The following SUSD4 variants were observed in gnomAD, a reference collection of about 807,000 sequenced individuals.
The protein encoded by SUSD4 is sushi domain-containing protein 4.
SUSD4 carries 41 observed loss-of-function variants against 50.5 expected under a neutral mutation model. The observed-to-expected ratio is 0.81, with a 90% CI of 0.63 to 1.05. The LOEUF (loss-of-function observed/expected upper bound fraction) is 1.05, where lower values mean the gene tolerates loss of function less well. Among genes scored for constraint, SUSD4 ranks in the 50% least tolerant of loss-of-function variants. The pLI, the probability that SUSD4 is intolerant of heterozygous loss-of-function variation, is 0.00. For synonymous variants in SUSD4, 257 were observed against 257.3 expected (o/e 1.00, Z 0.01); for missense variants, 580 against 634.7 (o/e 0.91, Z 0.93).
At chr1:223,250,784 T>C (rs1397353139) in intron 5 of SUSD4, among the ~76,000 whole-genome samples, 1 of 152,202 alleles carries the variant, frequency 6.6e-6, no homozygotes. Flanking sequence ...TTGGCTCAGC[T>C]GGCATAAGCA....
chr1:223,305,411 A>G (rs1038190463), intron 2 of SUSD4, among the ~76,000 whole-genome samples: 3 of 152,246 alleles, frequency 2.0e-5, no homozygotes, highest in Non-Finnish European at 4.4e-5. Flanking sequence ...TTATGGGGAA[A>G]GAGCTCAGAG....
At chr1:223,289,078 G>A (rs1464711073) in intron 3 of SUSD4, 14 of 984,980 alleles carry the variant, frequency 1.4e-5, no homozygotes, top group African/African-American at 1.7e-5. Context: ...GAAAGGAAGC[G>A]GCCAGATGGT....
At chr1:223,356,081 T>C (rs1406715253) in intron 2 of SUSD4, among the ~76,000 whole-genome samples, 1 of 152,164 alleles carries the variant, frequency 6.6e-6, no homozygotes, top group Non-Finnish European at 1.5e-5. Flanking sequence ...TTCTCTGATG[T>C]TCCCAGTTTA....
intron 3 of SUSD4, among the ~76,000 whole-genome samples, chr1:223,284,069 C>T (rs1349327839): frequency 1.6e-5 from 2 of 123,218 alleles, no homozygotes; most frequent in Non-Finnish European, 3.3e-5. Context: ...CATCACACAC[C>T]AGGGCCTGTT....
chr1:223,290,659 A>G (rs1223311356), intron 3 of SUSD4, among the ~76,000 whole-genome samples: 2 of 152,108 alleles, frequency 1.3e-5, no homozygotes. Flanking sequence ...AGTGTTAAGA[A>G]CTGTACATGA....
chr1:223,293,683 G>T (rs968295825), intron 2 of SUSD4, among the ~76,000 whole-genome samples: 1 of 152,186 alleles, frequency 6.6e-6, no homozygotes, highest in Non-Finnish European at 1.5e-5. Flanking sequence ...CTTGTCAACT[G>T]ACTGGATGTT....
At chr1:223,283,637 C>T (rs374839744) in intron 3 of SUSD4, among the ~76,000 whole-genome samples, 88 of 152,184 alleles carry the variant, frequency 5.8e-4, no homozygotes, top group East Asian at 1.9e-3. Context: ...TTGGTGGGAC[C>T]GTAAACTAGT....
Position 223,311,415 on chromosome 1 carries a change from C to T in SUSD4, c.149-18764G>A, listed in dbSNP as rs144105833. On this transcript the variant is annotated intron_variant, in intron 2 of 8. Coordinates refer to ENST00000366878, the MANE Select transcript of SUSD4 (RefSeq NM_017982.4). ...TATGATGTAAGTGCTCTCCAGGCAG[C>T]CTGTGCTGCTGCTGAACAGCTTTGC... is the stretch of plus-strand genomic sequence containing the variant. Among the ~76,000 whole-genome samples the T allele has an allele frequency of 2.6e-3, 402 of 152,302 alleles. 3 individuals carry two copies. Among genetic ancestry groups the T allele is most frequent in the African/African-American group, 9.2e-3 (383 of 41,570 alleles).
intron 2 of SUSD4, among the ~76,000 whole-genome samples, chr1:223,303,449 T>A (rs1665316500): frequency 6.6e-6 from 1 of 152,226 alleles, no homozygotes. Flanking sequence ...AGAGTGAGCT[T>A]ACATCTAGGA....
rs142680658 is a variant in SUSD4 at position 223,232,615 on chromosome 1, G to A, written c.725-3227C>T. The stretch of plus-strand genomic sequence containing the variant: ...TTCTCACTGGGCCTGAAAGATGAAC[G>A]ACTGTTCAAATCATTGCATTCACCC... On this transcript the variant is annotated intron_variant, in intron 5 of 8. Coordinates refer to ENST00000366878, the MANE Select transcript of SUSD4 (RefSeq NM_017982.4). 3.4e-3 allele frequency among the ~76,000 whole-genome samples: 515 copies of A among 152,310 alleles called. 4 individuals carry two copies. Among genetic ancestry groups the A allele is most frequent in the African/African-American group, 0.012 (487 of 41,560 alleles).
At chr1:223,224,056 T>C (rs747290538) in intron 7 of SUSD4, among the ~76,000 whole-genome samples, 23 of 152,148 alleles carry the variant, frequency 1.5e-4, no homozygotes, top group Non-Finnish European at 2.9e-4. Context: ...CTGTTAAAAG[T>C]ACAGAAAATA....
chr1:223,273,235 G>A (rs545657099), intron 3 of SUSD4, among the ~76,000 whole-genome samples: 38 of 152,144 alleles, frequency 2.5e-4, no homozygotes, highest in Non-Finnish European at 5.0e-4. Context: ...AGAAGGGGAG[G>A]GACAGGCCAG....
chr1:223,230,418 G>A (rs1401300257), intron 5 of SUSD4: 3 of 151,878 alleles, frequency 2.0e-5, no homozygotes, highest in African/African-American at 4.8e-5. Flanking sequence ...ACGAAAAAGA[G>A]TTAACTTTTG....
chr1:223,285,775 G>T (rs1032310137), intron 3 of SUSD4, among the ~76,000 whole-genome samples: 1 of 152,184 alleles, frequency 6.6e-6, no homozygotes, highest in Admixed American at 6.5e-5. Context: ...TCACTTACAC[G>T]TGAGAGCTAA....
chr1:223,235,673 A>G (rs920744160), intron 5 of SUSD4, among the ~76,000 whole-genome samples: 6 of 152,184 alleles, frequency 3.9e-5, no homozygotes, highest in Admixed American at 3.9e-4. Context: ...AAGTTTCTTC[A>G]TATCTTTTCA....
intron 2 of SUSD4, among the ~76,000 whole-genome samples, chr1:223,348,891 G>A (rs1668193970): frequency 6.6e-6 from 1 of 152,090 alleles, no homozygotes; most frequent in South Asian, 2.1e-4. Context: ...GCATATACAA[G>A]TCTTCATACA....
intron 2 of SUSD4, among the ~76,000 whole-genome samples, chr1:223,336,102 C>A (rs768359044): frequency 6.6e-6 from 1 of 151,860 alleles, no homozygotes; most frequent in East Asian, 1.9e-4. Flanking sequence ...GACAGGCATG[C>A]GCCACCACGC....
intron 5 of SUSD4, among the ~76,000 whole-genome samples, chr1:223,240,852 T>C (rs1470103901): frequency 6.6e-6 from 1 of 152,212 alleles, no homozygotes; most frequent in Non-Finnish European, 1.5e-5. Context: ...TCTTGTAGTT[T>C]CTTCTTGATA....
chr1:223,229,267 G>A lies in SUSD4; in HGVS notation c.846C>T (p.Ser282=), dbSNP rs778161171. 1.2e-5 allele frequency: 20 copies of A among 1,612,988 alleles called. No homozygotes were observed. In the East Asian group the frequency reaches 1.3e-4, roughly 11 times the overall value. ...ACTGGCAGGTGATGTACTTGTAGTC[G>A]CTGGTGAGGCTGTAGCCAGGATCGC... is the stretch of plus-strand genomic sequence containing the variant. ...FYCDPGYSLT[S]DYKYITCQYG... Residue 282 remains serine, a synonymous_variant, in exon 6 of 9, where the codon AGC becomes AGT. Transcript: ENST00000366878. The surrounding 1 kb of genome is among the most constrained non-coding windows in gnomAD (Gnocchi z 4.7).
Sources: allele counts gnomAD v4.1 joint callset (sites outside exome capture counted in the v4.1 genomes callset), GRCh38; gene constraint gnomAD v4.1.1; non-coding constraint Gnocchi (gnomAD v3.1); transcripts MANE v1.5; gene names NCBI Gene and HGNC (gene_info 2026-07-23, HGNC 2026-07-21).